The following WNT2B variants were observed in gnomAD, a reference collection of about 807,000 sequenced individuals.
WNT2B encodes the protein Wnt family member 2B.
A neutral mutation model predicts 40.5 loss-of-function variants in WNT2B; 19 were observed. The observed-to-expected ratio is 0.47, with a 90% CI of 0.33 to 0.69. The LOEUF is 0.69. Ranked by LOEUF, WNT2B falls within the 30% of genes least tolerant of loss-of-function variation. The pLI is 0.02. For synonymous variants in WNT2B, 220 were observed against 211.9 expected (o/e 1.04, Z -0.33); for missense variants, 467 against 556.4 (o/e 0.84, Z 1.62).
intron 1 of WNT2B, among the ~76,000 whole-genome samples, chr1:112,480,976 C>T (rs1257542319): frequency 6.6e-6 from 1 of 152,132 alleles, no homozygotes; most frequent in East Asian, 1.9e-4. Context: ...CAAGATCAGC[C>T]TGACCAACAT....
intron 1 of WNT2B, among the ~76,000 whole-genome samples, chr1:112,491,734 T>TA (rs1306436734): frequency 6.6e-6 from 1 of 151,896 alleles, no homozygotes; most frequent in African/African-American, 2.4e-5. Context: ...ATTTTTAAAA[T>TA]AAAAAAATTA....
rs1653760901 is a variant in WNT2B at position 112,528,093 on chromosome 1, G to C, written c.*7584G>C. On this transcript the variant is annotated 3_prime_UTR_variant, in exon 5 of 5. Coordinates refer to ENST00000369684, the MANE Select transcript of WNT2B (RefSeq NM_024494.3). ...AGGAAGCAGAAGTCTGAGAATAAAG[G>C]AATTAGGTTAATGAGATTAAGCAGA... The C allele has an allele frequency of 6.6e-6, 1 of 152,132 alleles. No individual in the cohort carries two copies. Among genetic ancestry groups the C allele is most frequent in the Admixed American group, 6.5e-5 (1 of 15,268 alleles). The allele number at this position is 152,132 out of a possible 1,614,324, so 9.4% of individuals were successfully genotyped here. A position where few individuals can be genotyped will look rare whatever the true frequency, so the allele number is the denominator to read the frequency against.
intron 1 of WNT2B, among the ~76,000 whole-genome samples, chr1:112,472,581 A>G (rs1650914818): frequency 6.6e-6 from 1 of 152,112 alleles, no homozygotes; most frequent in East Asian, 1.9e-4. Context: ...AAAAGACTCA[A>G]AAGGATAAAA....
intron 1 of WNT2B, among the ~76,000 whole-genome samples, chr1:112,474,192 C>G (rs1314123830): frequency 1.3e-5 from 2 of 152,094 alleles, no homozygotes; most frequent in Admixed American, 1.3e-4. Context: ...GTCGCCCAGG[C>G]TGGAGTGTGG....
At chr1:112,506,861 T>G (rs1652120970), upstream of WNT2B, among the ~76,000 whole-genome samples, 1 of 152,162 alleles carries the variant, frequency 6.6e-6, no homozygotes, top group Middle Eastern at 3.2e-3. Context: ...CTGAGAAGTG[T>G]CTGTATTCAG....
intron 1 of WNT2B, among the ~76,000 whole-genome samples, chr1:112,510,870 G>A (rs1652326707): frequency 6.6e-6 from 1 of 152,170 alleles, no homozygotes. Context: ...TGAGATCAAA[G>A]CTACCTTTTG....
intron 1 of WNT2B, 74 bp from the exon 2 acceptor site, chr1:112,514,800 G>A (rs370140758): frequency 2.6e-5 from 38 of 1,452,622 alleles, no homozygotes; most frequent in African/African-American, 1.4e-4. Context: ...GATGCTAAAC[G>A]TACCCCTTCC....
upstream of WNT2B, among the ~76,000 whole-genome samples, chr1:112,504,313 C>A (rs913140289): frequency 6.6e-6 from 1 of 151,998 alleles, no homozygotes; most frequent in Non-Finnish European, 1.5e-5. Flanking sequence ...TCCTTTACAT[C>A]CCTCTCTTCC....
chr1:112,508,798 C>G (rs373617635), upstream of WNT2B: 2 of 988,316 alleles, frequency 2.0e-6, no homozygotes, highest in East Asian at 1.1e-4. This position sits in a 1 kb window ranked among gnomAD's most constrained non-coding sequence, Gnocchi z 4.2. Flanking sequence ...GGGTGCAGCG[C>G]GGTGGCGCGC....
chr1:112,520,847 A>G lies in WNT2B; in HGVS notation c.*338A>G. 1 of 292,328 alleles carries G rather than the reference A, an allele frequency of 3.4e-6. No homozygotes were observed. The highest frequency in any genetic ancestry group is 6.4e-6 in the Non-Finnish European group (1 of 156,008). The allele number at this position is 292,328 out of a possible 1,614,324, so 18.1% of individuals were successfully genotyped here. A position where few individuals can be genotyped will look rare whatever the true frequency, so the allele number is the denominator to read the frequency against. ...TTCTTTCCTTTGCACCAGCTTCCCG[A>G]TACTTCTTGGTGTGCAAGAGGAAGG... On this transcript the variant is annotated 3_prime_UTR_variant, in exon 5 of 5. Coordinates refer to ENST00000369684, the MANE Select transcript of WNT2B (RefSeq NM_024494.3).
At chr1:112,499,203 CAAAAA>C (rs34199500) in intron 1 of WNT2B, among the ~76,000 whole-genome samples, 3 of 105,092 alleles carry the variant, frequency 2.9e-5, no homozygotes, top group Admixed American at 9.8e-5. Context: ...AAGACTGTCT[CAAAAA>C]AAAAAAAAAA....
chr1:112,470,552 C>T (rs1650848719), intron 1 of WNT2B, among the ~76,000 whole-genome samples: 1 of 152,166 alleles, frequency 6.6e-6, no homozygotes, highest in East Asian at 1.9e-4. Context: ...CACGCCACTG[C>T]ACTCCAGCCT....
At chr1:112,472,408 G>A (rs1224966099) in intron 1 of WNT2B, among the ~76,000 whole-genome samples, 1 of 152,160 alleles carries the variant, frequency 6.6e-6, no homozygotes, top group Non-Finnish European at 1.5e-5. Flanking sequence ...GATCTCATGG[G>A]ACTGGGAGTA....
At chr1:112,503,526 T>C (rs1010251965) in intron 1 of WNT2B, among the ~76,000 whole-genome samples, 2 of 149,830 alleles carry the variant, frequency 1.3e-5, no homozygotes, top group Admixed American at 1.3e-4. Flanking sequence ...AAAATAGAGG[T>C]GCGCACACAC....
chr1:112,513,759 C>T (rs1652434602), intron 1 of WNT2B, among the ~76,000 whole-genome samples: 1 of 152,180 alleles, frequency 6.6e-6, no homozygotes, highest in Non-Finnish European at 1.5e-5. Flanking sequence ...GGAGGGCAGC[C>T]CTTTGATGCG....
Position 112,485,848 on chromosome 1 carries a change from C to A in WNT2B, c.-95+18257C>A, listed in dbSNP as rs150848627. Among the ~76,000 whole-genome samples, 1,365 of 152,286 alleles carry A rather than the reference C, an allele frequency of 9.0e-3. 17 individuals are homozygous for A. Among genetic ancestry groups the A allele is most frequent in the African/African-American group, 0.031 (1,304 of 41,566 alleles). On this transcript the variant is annotated intron_variant, in intron 1 of 4. Coordinates refer to the WNT2B transcript ENST00000256640. ...AAGATTTCTCTTAATATACCAAAAG[C>A]AGCCAGGCCCAGTGGCATGTGCCTC...
intron 1 of WNT2B, among the ~76,000 whole-genome samples, chr1:112,499,067 G>A (rs1223674936): frequency 2.0e-5 from 3 of 152,080 alleles, no homozygotes; most frequent in South Asian, 2.1e-4. Context: ...TTAGCCGGTC[G>A]TGGTGGCGTG....
At chr1:112,505,503 C>T (rs1290306999), upstream of WNT2B, among the ~76,000 whole-genome samples, 1 of 152,146 alleles carries the variant, frequency 6.6e-6, no homozygotes, top group African/African-American at 2.4e-5. Context: ...CCTCTGGCTC[C>T]CAGAACTGAG....
At chr1:112,495,441 T>C (rs1015309975) in intron 1 of WNT2B, among the ~76,000 whole-genome samples, 6 of 151,882 alleles carry the variant, frequency 4.0e-5, no homozygotes, top group Non-Finnish European at 8.8e-5. Context: ...AAAAAAAAAT[T>C]AGCTGGGCAT....
Sources: gnomAD v4.1 joint callset for allele counts (sites outside exome capture counted in the v4.1 genomes callset) on GRCh38, gnomAD v4.1.1 for gene constraint, Gnocchi (gnomAD v3.1) non-coding constraint, MANE v1.5 for transcripts, NCBI Gene and HGNC (gene_info 2026-07-23, HGNC 2026-07-21) for gene names.